Variants in CYP3A43 observed in about 807,000 individuals in gnomAD.
CYP3A43 encodes cytochrome P450 family 3 subfamily A member 43, also known as cytochrome P450 3A43.
In CYP3A43, 45 loss-of-function variants were observed where a neutral mutation model predicts 58.0. The ratio of observed to expected loss-of-function variants is 0.78; its 90% confidence interval spans 0.61 to 0.99. The LOEUF is 0.99. CYP3A43 is among the 50% of genes least tolerant of loss of function. The pLI is 0.00. For synonymous variants in CYP3A43, 191 were observed against 201.4 expected, an observed-to-expected ratio of 0.95 and a Z score of 0.44; for missense variants, 593 against 591.9, an observed-to-expected ratio of 1.00 and a Z score of -0.02.
At chr7:99,856,682 T>C in intron 8 of CYP3A43, 151 bp from the exon 9 acceptor site, 3 of 724,058 alleles carry the variant, frequency 4.1e-6, no homozygotes, top group South Asian at 3.5e-5. Context: ...CATGATTTTA[T>C]TCTAAACATT....
At chr7:99,841,958 T>C (rs1817350615) in intron 3 of CYP3A43, among the ~76,000 whole-genome samples, 1 of 152,184 alleles carries the variant, frequency 6.6e-6, no homozygotes, top group Non-Finnish European at 1.5e-5. Flanking sequence ...AGCCTCTCTC[T>C]CTCTATGTGC....
At chr7:99,829,966 CAG>C (rs1176695146) in intron 1 of CYP3A43, among the ~76,000 whole-genome samples, 1 of 152,144 alleles carries the variant, frequency 6.6e-6, no homozygotes, top group Non-Finnish European at 1.5e-5. Context: ...AAGTTTATGA[CAG>C]GGGAAAGTTG....
intron 2 of CYP3A43, among the ~76,000 whole-genome samples, chr7:99,837,192 G>C (rs1200571586): frequency 6.7e-6 from 1 of 149,332 alleles, no homozygotes; most frequent in South Asian, 2.1e-4. Flanking sequence ...AGTGGCGGGC[G>C]CCTGTAGTCC....
At chr7:99,828,399 C>T (rs929937265) in intron 1 of CYP3A43, among the ~76,000 whole-genome samples, 5 of 152,122 alleles carry the variant, frequency 3.3e-5, no homozygotes, top group Admixed American at 2.0e-4. Flanking sequence ...TGCGGTGGCT[C>T]ACACCTGTAA....
At chr7:99,848,135 G>C (rs760243610) in intron 5 of CYP3A43, 31 bp from the exon 6 acceptor site, 2 of 1,608,174 alleles carry the variant, frequency 1.2e-6, no homozygotes. Context: ...TCGAGTCTGC[G>C]TAGTTAACTA....
At chr7:99,832,015 T>C (rs370504571) in intron 1 of CYP3A43, among the ~76,000 whole-genome samples, 7 of 152,234 alleles carry the variant, frequency 4.6e-5, no homozygotes, top group African/African-American at 1.7e-4. Context: ...AGTGGAAGCC[T>C]TGAATATGGT....
intron 6 of CYP3A43, 28 bp downstream of exon 6, chr7:99,848,282 G>T: frequency 6.2e-7 from 1 of 1,608,962 alleles, no homozygotes; most frequent in Non-Finnish European, 8.5e-7. Context: ...GAGGTTCTGA[G>T]CTGTCATGAG....
intron 9 of CYP3A43, among the ~76,000 whole-genome samples, chr7:99,858,298 A>G (rs1029423275): frequency 6.6e-6 from 1 of 152,014 alleles, no homozygotes; most frequent in Non-Finnish European, 1.5e-5. Context: ...GTAAATCACA[A>G]CTCTGTAGAC....
intron 4 of CYP3A43, 23 bp downstream of exon 4, chr7:99,844,265 A>T (rs1310234253): frequency 5.6e-6 from 9 of 1,600,396 alleles, no homozygotes; most frequent in Non-Finnish European, 6.8e-6. Context: ...TTTCAAATGT[A>T]TTAATCAAAT....
In CYP3A43 at chr7:99,861,812, C is replaced by T; in HGVS notation, c.1226C>T (p.Thr409Ile). ...YALHHDPKYW[T>I]EPEKFCPERF... ...CTTCACCATGACCCAAAGTACTGGA[C>T]AGAGCCTGAGAAGTTCTGCCCTGAA... The change falls in exon 11 of 13, where the codon ACA (threonine) becomes ATA (isoleucine). Residue 409 changes from threonine to isoleucine, a missense_variant. By Grantham distance (89) the Thr-to-Ile change is moderately conservative (BLOSUM62 -1). Coordinates refer to ENST00000354829, the MANE Select transcript of CYP3A43 (RefSeq NM_057095.3). 1 of 1,614,082 alleles carries T rather than the reference C, an allele frequency of 6.2e-7. No individual in the cohort carries two copies. Among genetic ancestry groups the T allele is most frequent in the Non-Finnish European group, 8.5e-7 (1 of 1,179,928 alleles).
Position 99,840,912 on chromosome 7 carries a change from C to T in CYP3A43, c.218+1740C>T, listed in dbSNP as rs547434719. ...TAGAACCAGCTAGAGCTTTTTATCA[C>T]TCTAACCAATTGGCTCATGTGCTGA... On this transcript the variant is annotated intron_variant, in intron 3 of 12. Transcript: ENST00000354829. Among the ~76,000 whole-genome samples the T allele has an allele frequency of 1.1e-4, 16 of 152,310 alleles. No homozygotes were observed. In the South Asian group the frequency reaches 2.3e-3, roughly 22 times the overall value.
At chr7:99,858,596 T>G (rs73401858) in intron 9 of CYP3A43, among the ~76,000 whole-genome samples, 1 of 151,922 alleles carries the variant, frequency 6.6e-6, no homozygotes, top group Non-Finnish European at 1.5e-5. Context: ...TTCCACTCAC[T>G]AGACCCTATT....
chr7:99,847,391 A>G, intron 4 of CYP3A43, 97 bp from the exon 5 acceptor site: 1 of 1,275,454 alleles, frequency 7.8e-7, no homozygotes, highest in Non-Finnish European at 1.1e-6. Flanking sequence ...GTTACTAAAT[A>G]TTTGTTAAAT....
chr7:99,865,821 C>A, intron 12 of CYP3A43, 85 bp from the exon 13 acceptor site: 1 of 932,602 alleles, frequency 1.1e-6, no homozygotes. Context: ...CAAAGCATTA[C>A]CCTTGATGTC....
chr7:99,835,373 T>A (rs961169778), intron 1 of CYP3A43, among the ~76,000 whole-genome samples: 3 of 152,224 alleles, frequency 2.0e-5, no homozygotes, highest in Non-Finnish European at 4.4e-5. Flanking sequence ...GGACTGCTGC[T>A]GATAAGCCTC....
In CYP3A43 at chr7:99,856,868, C is replaced by T. The variant is rs1818001636; in HGVS notation, c.834C>T (p.Ser278=). ...RVDFFQQMID[S]QNSKETKSHK... is the part of the protein sequence containing the mutation. ...ATTTCTTTCAACAGATGATCGACTC[C>T]CAGAATTCCAAAGAAACAAAGTCCC... is the stretch of plus-strand genomic sequence containing the variant. Residue 278 remains serine, a synonymous_variant, in exon 9 of 13, where the codon TCC becomes TCT. Transcript: ENST00000354829. The T allele has an allele frequency of 1.2e-6, 2 of 1,613,792 alleles. No individual in the cohort carries two copies. Among genetic ancestry groups the T allele is most frequent in the East Asian group, 2.2e-5 (1 of 44,864 alleles).
At chr7:99,836,320 G>T in intron 1 of CYP3A43, 133 bp from the exon 2 acceptor site, 1 of 681,072 alleles carries the variant, frequency 1.5e-6, no homozygotes, top group Non-Finnish European at 2.6e-6. Flanking sequence ...TGCCATCAGA[G>T]TTTCTGTTGT....
chr7:99,845,234 AGGTTACTTTCCCTCTATGG>A (rs1439767523), intron 4 of CYP3A43, among the ~76,000 whole-genome samples: 1 of 152,094 alleles, frequency 6.6e-6, no homozygotes, highest in Non-Finnish European at 1.5e-5. Context: ...ATTTTTGGAA[AGGTTACTTTCCCTCTATGG>A]GGTTACTTTT....
chr7:99,851,514 G>A (rs1479450568), intron 7 of CYP3A43, among the ~76,000 whole-genome samples: 4 of 152,104 alleles, frequency 2.6e-5, no homozygotes, highest in East Asian at 3.8e-4. Flanking sequence ...TGGTCTCATC[G>A]TGATTTTGAT....
Sources: gnomAD v4.1 joint callset for allele counts (sites outside exome capture counted in the v4.1 genomes callset) on GRCh38, gnomAD v4.1.1 for gene constraint, MANE v1.5 for transcripts, NCBI Gene and HGNC (gene_info 2026-07-23, HGNC 2026-07-21) for gene names.